Variants in CLASP1 observed in about 807,000 individuals in gnomAD.
CLASP1 encodes CLIP-associating protein 1.
CLASP1 carries 38 observed loss-of-function variants against 192.3 expected under a neutral mutation model. The ratio of observed to expected loss-of-function variants is 0.20; its 90% CI spans 0.15 to 0.26. The LOEUF (loss-of-function observed/expected upper bound fraction) is 0.26, where lower values mean the gene tolerates loss of function less well. Ranked by LOEUF, CLASP1 falls within the 10% of genes least tolerant of loss-of-function variation. The pLI is 1.00. For synonymous variants in CLASP1, 691 were observed against 712.8 expected, an observed-to-expected ratio of 0.97 and a Z score of 0.49; for missense variants, 1,433 against 1,932.5, an observed-to-expected ratio of 0.74 and a Z score of 4.85.
chr2:121,441,631 C>T (rs569104581), intron 19 of CLASP1, among the ~76,000 whole-genome samples: 2 of 152,148 alleles, frequency 1.3e-5, no homozygotes, highest in South Asian at 4.1e-4. Flanking sequence ...CTCTGACAGA[C>T]AGGGTGGGGA....
At position 121,387,886 on chromosome 2, in the gene CLASP1, G is replaced by T. The variant is rs767659781; in HGVS notation, c.3144C>A (p.Ile1048=). ...CAGGAGTATTCAATTCAAACAGAGA[G>T]ATTAGCACAATCTGTGCTGCCTAGA... Residue 1048 remains isoleucine, a synonymous_variant, in exon 31 of 40, where the codon ATC becomes ATA. Transcript: ENST00000263710. 3 of 1,611,912 alleles carry T rather than the reference G, an allele frequency of 1.9e-6. No individual in the cohort carries two copies. The South Asian group carries it at 3.3e-5, about 18-fold the overall frequency.
intron 21 of CLASP1, 76 bp from the exon 22 acceptor site, chr2:121,425,382 T>C (rs966016364): frequency 8.6e-6 from 11 of 1,279,152 alleles, no homozygotes; most frequent in Admixed American, 5.2e-5. Flanking sequence ...AAAAGCCAGA[T>C]TTTACACATT....
intron 2 of CLASP1, among the ~76,000 whole-genome samples, chr2:121,543,720 T>A (rs1375491299): frequency 6.6e-6 from 1 of 152,054 alleles, no homozygotes; most frequent in East Asian, 1.9e-4. Context: ...TAAACCCCAA[T>A]CTGAATAGTA....
At chr2:121,443,237 G>C (rs781383819) in intron 19 of CLASP1, among the ~76,000 whole-genome samples, 4 of 151,112 alleles carry the variant, frequency 2.6e-5, no homozygotes, top group Non-Finnish European at 4.4e-5. Flanking sequence ...GACAATAACT[G>C]AGAGGGCAAT....
intron 2 of CLASP1, among the ~76,000 whole-genome samples, chr2:121,579,560 G>C (rs1401171132): frequency 6.6e-6 from 1 of 152,216 alleles, no homozygotes; most frequent in African/African-American, 2.4e-5. Context: ...GTGAAGGGGA[G>C]AGGAAGATGC....
intron 2 of CLASP1, among the ~76,000 whole-genome samples, chr2:121,568,210 G>A (rs2059676661): frequency 6.6e-6 from 1 of 152,108 alleles, no homozygotes; most frequent in African/African-American, 2.4e-5. Flanking sequence ...CGTCCAGCCA[G>A]AATTGGTTCA....
At chr2:121,580,081 G>A (rs1055952868) in intron 2 of CLASP1, among the ~76,000 whole-genome samples, 1 of 152,192 alleles carries the variant, frequency 6.6e-6, no homozygotes, top group African/African-American at 2.4e-5. Context: ...ATATGCTTTA[G>A]TGGATCCCTG....
intron 2 of CLASP1, among the ~76,000 whole-genome samples, chr2:121,574,618 G>C (rs2060302183): frequency 7.7e-6 from 1 of 130,494 alleles, no homozygotes; most frequent in African/African-American, 2.9e-5. Flanking sequence ...CTGGGTGACA[G>C]AGCAAGACTC....
At chr2:121,369,807 G>A (rs2068223613) in intron 34 of CLASP1, among the ~76,000 whole-genome samples, 1 of 152,130 alleles carries the variant, frequency 6.6e-6, no homozygotes, top group South Asian at 2.1e-4. Flanking sequence ...AGATAATGCT[G>A]AAATAAGCTA....
chr2:121,632,119 C>G (rs2069804317), intron 1 of CLASP1, among the ~76,000 whole-genome samples: 1 of 151,980 alleles, frequency 6.6e-6, no homozygotes, highest in Non-Finnish European at 1.5e-5. Flanking sequence ...TAGTATGCAC[C>G]TGTAGTCCCA....
chr2:121,525,065 G>C (rs1178794814), intron 6 of CLASP1, among the ~76,000 whole-genome samples: 1 of 152,172 alleles, frequency 6.6e-6, no homozygotes. Context: ...TTTCACAGGA[G>C]AGGCCACTGA....
chr2:121,499,406 G>A (rs1457576270), intron 8 of CLASP1, among the ~76,000 whole-genome samples: 1 of 152,094 alleles, frequency 6.6e-6, no homozygotes, highest in Non-Finnish European at 1.5e-5. Context: ...GCCAGAAACT[G>A]GGGGGAGAGG....
At chr2:121,489,360 T>C (rs959141149) in intron 8 of CLASP1, among the ~76,000 whole-genome samples, 1 of 152,214 alleles carries the variant, frequency 6.6e-6, no homozygotes, top group African/African-American at 2.4e-5. Flanking sequence ...AAAATAGCTA[T>C]ACAAACCTTT....
At chr2:121,611,367 G>A (rs1454401202) in intron 1 of CLASP1, among the ~76,000 whole-genome samples, 2 of 137,552 alleles carry the variant, frequency 1.5e-5, no homozygotes, top group Non-Finnish European at 1.6e-5. Context: ...AGGAGGAGGT[G>A]TTGGAGGAGT....
intron 2 of CLASP1, chr2:121,530,557 A>C: frequency 1.8e-6 from 1 of 549,916 alleles, no homozygotes. Flanking sequence ...AATAAAAGGC[A>C]ATACAGCGTA....
intron 30 of CLASP1, among the ~76,000 whole-genome samples, chr2:121,396,474 C>A (rs913474938): frequency 6.6e-6 from 1 of 152,126 alleles, no homozygotes; most frequent in Non-Finnish European, 1.5e-5. Flanking sequence ...GCTAATCATT[C>A]GAAATTATCT....
chr2:121,525,887 A>T lies in CLASP1; in HGVS notation c.504T>A (p.Ile168=), dbSNP rs1575661885. The T allele has an allele frequency of 2.5e-6, 4 of 1,613,632 alleles. No individual in the cohort carries two copies. The East Asian group carries it at 8.9e-5, about 36-fold the overall frequency. Residue 168 remains isoleucine, a synonymous_variant, in exon 6 of 40, where the codon ATT becomes ATA. Transcript: ENST00000263710. ...CAAGTAAGTTGCATATATGTGGCACAATCTTGCTTAGTGTTAAAGTCTGTG... is the reference window on the plus strand; with the variant it reads ...CAAGTAAGTTGCATATATGTGGCACTATCTTGCTTAGTGTTAAAGTCTGTG...
At chr2:121,500,277 G>C (rs564084879) in intron 8 of CLASP1, among the ~76,000 whole-genome samples, 1 of 149,820 alleles carries the variant, frequency 6.7e-6, no homozygotes, top group South Asian at 2.1e-4. Flanking sequence ...AGGAGGAGGA[G>C]GTGGGGGAGA....
At chr2:121,418,680 G>A (rs374571014) in exon 23 of CLASP1, 16 of 1,613,830 alleles carry the variant, frequency 9.9e-6, no homozygotes, top group Admixed American at 6.7e-5. Context: ...GGCTGGTATC[G>A]CGGCTGCACC....
Sources: gnomAD v4.1 joint callset for allele counts (sites outside exome capture counted in the v4.1 genomes callset) on GRCh38, gnomAD v4.1.1 for gene constraint, MANE v1.5 for transcripts, NCBI Gene and HGNC (gene_info 2026-07-23, HGNC 2026-07-21) for gene names.